Variants in SPPL3 observed in about 807,000 individuals in gnomAD.
SPPL3 encodes the protein signal peptide peptidase-like 3.
In SPPL3, 5 loss-of-function variants were observed where a neutral mutation model predicts 42.4. The ratio of observed to expected loss-of-function variants is 0.12; its 90% CI spans 0.06 to 0.25. The LOEUF (loss-of-function observed/expected upper bound fraction) is 0.25, where lower values mean the gene tolerates loss of function less well. Among genes scored for constraint, SPPL3 ranks in the 10% least tolerant of loss-of-function variants. The pLI, the probability that SPPL3 is intolerant of heterozygous loss-of-function variation, is 1.00. For synonymous variants in SPPL3, 195 were observed against 181.8 expected (o/e 1.07, Z -0.58); for missense variants, 235 against 489.0 (o/e 0.48, Z 4.90).
chr12:120,817,124 T>C (rs905777440), intron 1 of SPPL3, among the ~76,000 whole-genome samples: 3 of 146,452 alleles, frequency 2.0e-5, no homozygotes, highest in South Asian at 2.1e-4. Context: ...TGTGACTCTA[T>C]GAAAAATTAA....
intron 1 of SPPL3, among the ~76,000 whole-genome samples, chr12:120,887,607 T>TA (rs1280815903): frequency 6.6e-6 from 1 of 152,162 alleles, no homozygotes; most frequent in East Asian, 1.9e-4. Context: ...GCAAAAGAAA[T>TA]AAGAAGTAGC....
intron 1 of SPPL3, among the ~76,000 whole-genome samples, chr12:120,833,903 A>G (rs12816397): frequency 0.032 from 4,792 of 151,876 alleles, 100 homozygotes; most frequent in Non-Finnish European, 0.045. Context: ...ACAGCTGAAA[A>G]CTGAGATCTC....
intron 1 of SPPL3, among the ~76,000 whole-genome samples, chr12:120,895,199 G>T (rs1210624136): frequency 1.3e-5 from 2 of 152,136 alleles, no homozygotes; most frequent in African/African-American, 4.8e-5. Context: ...AGGCAGAGGT[G>T]GGTGGATCAC....
chr12:120,845,866 C>CTAT (rs1234170628), intron 1 of SPPL3, among the ~76,000 whole-genome samples: 2 of 108,456 alleles, frequency 1.8e-5, no homozygotes, highest in African/African-American at 8.7e-5. Context: ...CATTATCTAT[C>CTAT]TATCTATCTA....
intron 2 of SPPL3, among the ~76,000 whole-genome samples, chr12:120,801,309 C>T (rs1323487901): frequency 6.6e-6 from 1 of 152,174 alleles, no homozygotes; most frequent in African/African-American, 2.4e-5. Context: ...CTCTCTCTCT[C>T]ATAATCTGTC....
intron 1 of SPPL3, among the ~76,000 whole-genome samples, chr12:120,888,601 A>G (rs1268185087): frequency 6.6e-6 from 1 of 152,180 alleles, no homozygotes; most frequent in Non-Finnish European, 1.5e-5. Context: ...AAAAAGAACA[A>G]ATCCGTAGAG....
At chr12:120,853,628 A>G (rs1872335476) in intron 1 of SPPL3, among the ~76,000 whole-genome samples, 1 of 152,176 alleles carries the variant, frequency 6.6e-6, no homozygotes, top group Non-Finnish European at 1.5e-5. Flanking sequence ...GATCTTCTAG[A>G]CCAGTGATTC....
At chr12:120,770,730 T>C (rs568450751) in intron 6 of SPPL3, among the ~76,000 whole-genome samples, 1 of 152,346 alleles carries the variant, frequency 6.6e-6, no homozygotes, top group African/African-American at 2.4e-5. Flanking sequence ...CTCAGATCTT[T>C]TCCTCTCTCA....
At chr12:120,899,611 C>T (rs1355576651) in intron 1 of SPPL3, among the ~76,000 whole-genome samples, 5 of 151,960 alleles carry the variant, frequency 3.3e-5, no homozygotes, top group Non-Finnish European at 1.5e-5. Flanking sequence ...AAAAAGATCG[C>T]CGGGCACAGT....
chr12:120,893,444 T>TA (rs1281841453), intron 1 of SPPL3, among the ~76,000 whole-genome samples: 1 of 152,046 alleles, frequency 6.6e-6, no homozygotes, highest in East Asian at 1.9e-4. Flanking sequence ...CCCTTATTTA[T>TA]AAAAAACAAA....
intron 3 of SPPL3, among the ~76,000 whole-genome samples, chr12:120,790,620 C>T (rs1338540391): frequency 6.6e-6 from 1 of 152,142 alleles, no homozygotes; most frequent in South Asian, 2.1e-4. Context: ...GTAAAGAAAC[C>T]TTATCTGACC....
At chr12:120,852,776 T>TG (rs1373666262) in intron 1 of SPPL3, among the ~76,000 whole-genome samples, 5,383 of 34,350 alleles carry the variant, frequency 0.16, 778 homozygotes, top group East Asian at 0.29. Context: ...ATATTATATA[T>TG]AAAATATATT....
At chr12:120,816,354 G>GTACATGGTA (rs1870874770) in intron 1 of SPPL3, among the ~76,000 whole-genome samples, 2 of 151,994 alleles carry the variant, frequency 1.3e-5, no homozygotes, top group Non-Finnish European at 2.9e-5. Flanking sequence ...CCCTAATATT[G>GTACATGGTA]TACATGGTAT....
At chr12:120,791,402 G>A in intron 3 of SPPL3, 67 bp downstream of exon 3, 1 of 1,040,282 alleles carries the variant, frequency 9.6e-7, no homozygotes, top group Non-Finnish European at 1.4e-6. Flanking sequence ...TTATTAACTG[G>A]AGGTATAGAA....
chr12:120,831,196 C>A (rs938374093), intron 1 of SPPL3, among the ~76,000 whole-genome samples: 1 of 152,118 alleles, frequency 6.6e-6, no homozygotes, highest in South Asian at 2.1e-4. Flanking sequence ...GGCTCTCAGG[C>A]CTTTGGACTT....
chr12:120,897,136 ACACAT>A (rs1873832595), intron 1 of SPPL3, among the ~76,000 whole-genome samples: 1 of 152,244 alleles, frequency 6.6e-6, no homozygotes, highest in South Asian at 2.1e-4. Flanking sequence ...ATATAGAATG[ACACAT>A]CACAATCCAA....
intron 1 of SPPL3, among the ~76,000 whole-genome samples, chr12:120,843,903 A>G (rs1478498116): frequency 6.6e-6 from 1 of 152,188 alleles, no homozygotes; most frequent in Admixed American, 6.5e-5. Context: ...GGTTGCAGCG[A>G]GCCAGGGTCG....
chr12:120,801,424 ATT>A (rs34670229), intron 2 of SPPL3, among the ~76,000 whole-genome samples: 2 of 145,748 alleles, frequency 1.4e-5, no homozygotes, highest in African/African-American at 5.0e-5. Flanking sequence ...CCATCTGGCC[ATT>A]TTTTTTTTTT....
At chr12:120,882,855 T>C (rs1873336328) in intron 1 of SPPL3, among the ~76,000 whole-genome samples, 1 of 152,076 alleles carries the variant, frequency 6.6e-6, no homozygotes, top group African/African-American at 2.4e-5. Flanking sequence ...ATGGCACCAC[T>C]GCACTCCAGC....
Sources: gnomAD v4.1 joint callset for allele counts (sites outside exome capture counted in the v4.1 genomes callset) on GRCh38, gnomAD v4.1.1 for gene constraint, MANE v1.5 for transcripts, NCBI Gene and HGNC (gene_info 2026-07-23, HGNC 2026-07-21) for gene names.